Variants in DPYD observed in about 807,000 individuals in gnomAD.
The protein encoded by DPYD is dihydropyrimidine dehydrogenase, also known as dihydropyrimidine dehydrogenase [NADP(+)].
DPYD carries 109 observed loss-of-function variants against 116.2 expected under a neutral mutation model. The ratio of observed to expected loss-of-function variants is 0.94; its 90% confidence interval spans 0.80 to 1.10. The LOEUF (loss-of-function observed/expected upper bound fraction) is 1.10. Among genes scored for constraint, DPYD ranks in the 50% least tolerant of loss-of-function variants. The pLI, the probability that DPYD is intolerant of heterozygous loss-of-function variation, is 0.00. For synonymous variants in DPYD, 440 were observed against 432.0 expected (o/e 1.02, Z -0.23); for missense variants, 1,302 against 1,254.5 (o/e 1.04, Z -0.57).
chr1:97,496,322 C>T lies in DPYD; in HGVS notation c.1740+19404G>A, dbSNP rs115346130. 8.6e-3 allele frequency among the ~76,000 whole-genome samples: 1,314 copies of T among 152,158 alleles called. 7 individuals carry two copies. The highest frequency in any genetic ancestry group is 0.014 in the Non-Finnish European group (932 of 67,940). ...CTTATATTCCTCTCCACTCTATCCT[C>T]AACATCCAAGCACATTGCCTAGAAA... is the stretch of plus-strand genomic sequence containing the variant. On this transcript the variant is annotated intron_variant, in intron 13 of 22. Transcript: ENST00000370192.
intron 10 of DPYD, among the ~76,000 whole-genome samples, chr1:97,578,616 A>C (rs1285205404): frequency 1.3e-5 from 2 of 152,218 alleles, no homozygotes; most frequent in East Asian, 1.9e-4. Flanking sequence ...ATTATGTCCA[A>C]GAATAACAAC....
rs907590780 is a variant in DPYD, at chr1:97,896,326, A to G, written c.40-12952T>C. 9.2e-5 allele frequency among the ~76,000 whole-genome samples: 14 copies of G among 151,824 alleles called. No homozygotes were observed. The East Asian group carries it at 9.7e-4, about 11-fold the overall frequency. On this transcript the variant is annotated intron_variant, in intron 1 of 22. Coordinates refer to ENST00000370192, the MANE Select transcript of DPYD (RefSeq NM_000110.4). Reference sequence around the variant, plus strand: ...GAACAGATCACAGAAGAATGCATACATATCTCCAATTTAAAGTGAAAAAGA... The same window carrying G: ...GAACAGATCACAGAAGAATGCATACGTATCTCCAATTTAAAGTGAAAAAGA...
At chr1:97,360,876 A>C (rs918206915) in intron 16 of DPYD, among the ~76,000 whole-genome samples, 3 of 152,148 alleles carry the variant, frequency 2.0e-5, no homozygotes, top group Non-Finnish European at 4.4e-5. Context: ...CTGACACCCT[A>C]ATATCACAAT....
At chr1:97,546,646 G>A in intron 12 of DPYD, 1 of 1,612,708 alleles carries the variant, frequency 6.2e-7, no homozygotes, top group Non-Finnish European at 8.5e-7. Context: ...GCTTTACATT[G>A]CAGATAGGAA....
chr1:97,825,569 A>T (rs1435560558), intron 3 of DPYD, among the ~76,000 whole-genome samples: 1 of 139,718 alleles, frequency 7.2e-6, no homozygotes, highest in Non-Finnish European at 1.5e-5. Flanking sequence ...GGAATTGAAC[A>T]ATGAGAACAC....
chr1:97,482,783 T>A (rs377557829), intron 13 of DPYD, among the ~76,000 whole-genome samples: 249 of 152,250 alleles, frequency 1.6e-3, no homozygotes, highest in Non-Finnish European at 2.8e-3. Context: ...CCTCTGCCTT[T>A]GCCCCTAACT....
chr1:97,878,683 T>G (rs1418144453), intron 2 of DPYD, among the ~76,000 whole-genome samples: 2 of 152,008 alleles, frequency 1.3e-5, no homozygotes, highest in African/African-American at 4.8e-5. Context: ...CCTCCCATCT[T>G]TTCATTAAAT....
At chr1:97,575,000 G>C (rs1410596996) in intron 10 of DPYD, among the ~76,000 whole-genome samples, 6 of 152,046 alleles carry the variant, frequency 3.9e-5, no homozygotes, top group Non-Finnish European at 1.5e-5. Flanking sequence ...TCAAGCCATG[G>C]GCCCATCTTT....
At chr1:97,372,611 C>T (rs1671362281) in intron 16 of DPYD, among the ~76,000 whole-genome samples, 1 of 152,100 alleles carries the variant, frequency 6.6e-6, no homozygotes, top group Non-Finnish European at 1.5e-5. Flanking sequence ...TAAATATTTA[C>T]AAAGTACTTT....
At chr1:97,293,390 C>T (rs1438322759) in intron 18 of DPYD, among the ~76,000 whole-genome samples, 1 of 152,066 alleles carries the variant, frequency 6.6e-6, no homozygotes, top group Non-Finnish European at 1.5e-5. Context: ...GTAGAGATTC[C>T]CATATACCTG....
rs376361260 is a variant in DPYD at position 97,269,676 on chromosome 1, C to T, written c.2300-34682G>A. On this transcript the variant is annotated intron_variant, in intron 18 of 22. Coordinates refer to ENST00000370192, the MANE Select transcript of DPYD (RefSeq NM_000110.4). ...CTTGGAGATGGCTGCTTTCTCACTG[C>T]GTCCTCACTCACATGGTAGAGAGAG... Among the ~76,000 whole-genome samples, 98 of 152,224 alleles carry T rather than the reference C, an allele frequency of 6.4e-4. 1 individual carries two copies. The Middle Eastern group carries it at 0.014, about 21-fold the overall frequency.
At chr1:97,115,919 C>T (rs1651930374) in intron 20 of DPYD, among the ~76,000 whole-genome samples, 1 of 152,098 alleles carries the variant, frequency 6.6e-6, no homozygotes, top group Admixed American at 6.6e-5. Flanking sequence ...CAAAGCACTG[C>T]ATATGTTTGA....
At chr1:97,197,642 G>A (rs1294408273) in intron 19 of DPYD, among the ~76,000 whole-genome samples, 1 of 152,172 alleles carries the variant, frequency 6.6e-6, no homozygotes, top group African/African-American at 2.4e-5. Context: ...ACTCAGACAA[G>A]GAGTGGAGTG....
chr1:97,462,002 T>A (rs1328561393), intron 13 of DPYD, among the ~76,000 whole-genome samples: 4 of 152,350 alleles, frequency 2.6e-5, no homozygotes, highest in African/African-American at 9.6e-5. Flanking sequence ...CCTCTCAATT[T>A]TTTTTTTGTT....
At chr1:97,574,550 C>T (rs902618710) in intron 10 of DPYD, among the ~76,000 whole-genome samples, 1 of 152,034 alleles carries the variant, frequency 6.6e-6, no homozygotes, top group Non-Finnish European at 1.5e-5. Flanking sequence ...CTGAGGACAG[C>T]GAAACAAGCA....
intron 18 of DPYD, among the ~76,000 whole-genome samples, chr1:97,299,473 T>G (rs1385989692): frequency 6.6e-6 from 1 of 152,140 alleles, no homozygotes; most frequent in Non-Finnish European, 1.5e-5. Flanking sequence ...CAGGTACCCA[T>G]GAATTTGTTG....
At chr1:97,810,970 A>C (rs12094781) in intron 3 of DPYD, among the ~76,000 whole-genome samples, 2,138 of 152,084 alleles carry the variant, frequency 0.014, 57 homozygotes, top group African/African-American at 0.048. Context: ...TGCGTTTTTC[A>C]TATTGGTCTT....
chr1:97,890,133 T>C (rs985494262), intron 1 of DPYD, among the ~76,000 whole-genome samples: 1 of 151,974 alleles, frequency 6.6e-6, no homozygotes. Flanking sequence ...ATGAGATGGC[T>C]ACTATAAAAA....
intron 4 of DPYD, among the ~76,000 whole-genome samples, chr1:97,737,156 G>GT (rs1190059706): frequency 6.6e-6 from 1 of 151,972 alleles, no homozygotes; most frequent in Non-Finnish European, 1.5e-5. Flanking sequence ...AGACATGCTG[G>GT]TCAAAGGAGA....
Sources: gnomAD v4.1 joint callset for allele counts (sites outside exome capture counted in the v4.1 genomes callset) on GRCh38, gnomAD v4.1.1 for gene constraint, MANE v1.5 for transcripts, NCBI Gene and HGNC (gene_info 2026-07-23, HGNC 2026-07-21) for gene names.